Variants in NUP54 observed in about 807,000 individuals in gnomAD.
NUP54 encodes nucleoporin p54.
NUP54 carries 27 observed loss-of-function variants against 66.4 expected under a neutral mutation model. That is an observed-to-expected ratio of 0.41 (90% CI 0.30 to 0.56). The LOEUF (loss-of-function observed/expected upper bound fraction) is 0.56. Ranked by LOEUF, NUP54 falls within the 20% of genes least tolerant of loss-of-function variation. NUP54 has a pLI of 0.34. For missense variants in NUP54, 486 were observed against 596.3 expected (o/e 0.82, Z 1.93); for synonymous variants, 206 against 210.7 (o/e 0.98, Z 0.19).
At position 76,137,705 on chromosome 4, in the gene NUP54, T is replaced by C. The variant is rs192916389; in HGVS notation, c.296-1293A>G. On this transcript the variant is annotated intron_variant, in intron 3 of 11. Transcript: ENST00000264883. ...GGGCCAAGTTCTTAGGGCAGATAAA[T>C]ATGCCCCAAAGTGTGAGATAAGTAT... is the stretch of plus-strand genomic sequence containing the variant. Among the ~76,000 whole-genome samples the C allele has an allele frequency of 2.0e-5, 3 of 152,290 alleles. No individual in the cohort carries two copies. The East Asian group carries it at 5.8e-4, about 29-fold the overall frequency.
chr4:76,142,183 G>C (rs1033673082), intron 3 of NUP54, among the ~76,000 whole-genome samples: 1 of 152,076 alleles, frequency 6.6e-6, no homozygotes, highest in African/African-American at 2.4e-5. Flanking sequence ...TTTATTTCAA[G>C]AAACAAAGGA....
chr4:76,123,584 C>T (rs1305517539), intron 9 of NUP54, among the ~76,000 whole-genome samples: 1 of 151,994 alleles, frequency 6.6e-6, no homozygotes, highest in African/African-American at 2.4e-5. Flanking sequence ...GTGATCTCGG[C>T]TCACTGCAAC....
intron 3 of NUP54, among the ~76,000 whole-genome samples, chr4:76,140,211 T>C (rs758519004): frequency 1.3e-5 from 2 of 149,810 alleles, no homozygotes; most frequent in African/African-American, 4.9e-5. Flanking sequence ...AAAAGGTGGA[T>C]AGAGGGAGAA....
In NUP54 at chr4:76,116,654, T is replaced by A. The variant is rs1229921979; in HGVS notation, c.1395+1010A>T. On this transcript the variant is annotated intron_variant, in intron 11 of 11. Coordinates refer to ENST00000264883, the MANE Select transcript of NUP54 (RefSeq NM_017426.4). The stretch of plus-strand genomic sequence containing the variant: ...AGATCAATAACCAAATGTTTATAAC[T>A]TACATGCGACATATAGGCAGGGAAG... Among the ~76,000 whole-genome samples, 6 of 152,332 alleles carry A rather than the reference T, an allele frequency of 3.9e-5. No individual in the cohort carries two copies. The Middle Eastern group carries it at 0.017, about 432-fold the overall frequency.
intron 9 of NUP54, among the ~76,000 whole-genome samples, chr4:76,123,762 C>A (rs1363286001): frequency 6.6e-6 from 1 of 152,200 alleles, no homozygotes; most frequent in Non-Finnish European, 1.5e-5. Flanking sequence ...AATCCACTCA[C>A]CTCGGCCTCC....
At chr4:76,135,981 C>T (rs998711600) in intron 4 of NUP54, among the ~76,000 whole-genome samples, 1 of 152,136 alleles carries the variant, frequency 6.6e-6, no homozygotes. Flanking sequence ...GTCACACCTT[C>T]CTTCATTCAT....
intron 9 of NUP54, among the ~76,000 whole-genome samples, chr4:76,118,800 T>C (rs1024763096): frequency 2.0e-5 from 3 of 151,726 alleles, no homozygotes. Flanking sequence ...GTCAGGAGAT[T>C]GAGACCATCC....
intron 11 of NUP54, among the ~76,000 whole-genome samples, chr4:76,117,026 T>C (rs991050641): frequency 5.3e-5 from 8 of 151,848 alleles, no homozygotes; most frequent in Admixed American, 5.2e-4. Context: ...CACTATCCAC[T>C]TTGTTTAGAA....
chr4:76,125,316 TCA>T (rs34954421), intron 8 of NUP54, among the ~76,000 whole-genome samples: 36,194 of 124,828 alleles, frequency 0.29, 4,574 homozygotes, highest in Middle Eastern at 0.46. Context: ...TGAGACTCCA[TCA>T]CACACACACA....
At chr4:76,133,059 TATATA>T (rs1560685878) in intron 5 of NUP54, among the ~76,000 whole-genome samples, 1 of 149,622 alleles carries the variant, frequency 6.7e-6, no homozygotes, top group African/African-American at 2.4e-5. Flanking sequence ...TATATATATA[TATATA>T]TTTTTAAATT....
intron 9 of NUP54, 178 bp from the exon 10 acceptor site, chr4:76,118,372 A>C: frequency 1.7e-6 from 1 of 597,532 alleles, no homozygotes; most frequent in Non-Finnish European, 2.9e-6. Flanking sequence ...TTATCATATA[A>C]ATACAATGAT....
Position 76,138,562 on chromosome 4 carries a change from T to C in NUP54, c.296-2150A>G, listed in dbSNP as rs577906933. ...GGTAAACAAGGTAGACAAGGTGCAT[T>C]AAACAAACTGAACACATCAAACAAA... On this transcript the variant is annotated intron_variant, in intron 3 of 11. Transcript: ENST00000264883. Among the ~76,000 whole-genome samples the C allele has an allele frequency of 4.6e-5, 7 of 152,296 alleles. No individual in the cohort carries two copies. In the South Asian group the frequency reaches 1.5e-3, roughly 32 times the overall value.
intron 8 of NUP54, among the ~76,000 whole-genome samples, chr4:76,127,576 T>G (rs1406166934): frequency 1.3e-5 from 2 of 152,106 alleles, no homozygotes; most frequent in Non-Finnish European, 2.9e-5. Context: ...TTTTTTTTAA[T>G]GTAGGATACT....
chr4:76,145,454 T>G, intron 1 of NUP54: 2 of 471,624 alleles, frequency 4.2e-6, no homozygotes, highest in South Asian at 2.9e-5. Context: ...TTAGCAACCT[T>G]GGTTTTGGTG....
intron 5 of NUP54, among the ~76,000 whole-genome samples, chr4:76,133,153 C>T (rs1730887581): frequency 6.6e-6 from 1 of 151,826 alleles, no homozygotes; most frequent in Non-Finnish European, 1.5e-5. Context: ...CCACCTTGAC[C>T]TCCCAAAGTT....
intron 9 of NUP54, among the ~76,000 whole-genome samples, chr4:76,119,829 C>T (rs886494912): frequency 6.6e-6 from 1 of 152,086 alleles, no homozygotes; most frequent in African/African-American, 2.4e-5. Context: ...ATCCATGCTC[C>T]TATAACCATA....
intron 8 of NUP54, among the ~76,000 whole-genome samples, chr4:76,125,348 AC>A: frequency 6.7e-6 from 1 of 148,896 alleles, no homozygotes; most frequent in South Asian, 2.1e-4. Flanking sequence ...ACACACACAC[AC>A]ACGGCTGGGC....
At chr4:76,125,838 GAGA>G (rs1192574858) in intron 8 of NUP54, among the ~76,000 whole-genome samples, 4 of 68,632 alleles carry the variant, frequency 5.8e-5, no homozygotes, top group Admixed American at 1.4e-4. Flanking sequence ...GGGAGAGAGG[GAGA>G]GAGGGAGAGA....
intron 3 of NUP54, 110 bp downstream of exon 3, chr4:76,144,039 A>C (rs1394978881): frequency 9.2e-7 from 1 of 1,090,444 alleles, no homozygotes; most frequent in Non-Finnish European, 1.3e-6. Flanking sequence ...ATCCTTTGGA[A>C]TATATTAATA....
Sources: gnomAD v4.1 joint callset for allele counts (sites outside exome capture counted in the v4.1 genomes callset) on GRCh38, gnomAD v4.1.1 for gene constraint, MANE v1.5 for transcripts, NCBI Gene and HGNC (gene_info 2026-07-23, HGNC 2026-07-21) for gene names.